The following SLC16A12 variants were observed in gnomAD, a reference collection of about 807,000 sequenced individuals.
SLC16A12 encodes monocarboxylate transporter 12.
SLC16A12 carries 17 observed loss-of-function variants against 42.4 expected under a neutral mutation model. That is an observed-to-expected ratio of 0.40 (90% CI 0.27 to 0.60). The LOEUF (loss-of-function observed/expected upper bound fraction) is 0.60, where lower values mean the gene tolerates loss of function less well. Ranked by LOEUF, SLC16A12 falls within the 20% of genes least tolerant of loss-of-function variation. The pLI, the probability that SLC16A12 is intolerant of heterozygous loss-of-function variation, is 0.42. For synonymous variants in SLC16A12, 224 were observed against 229.4 expected, an observed-to-expected ratio of 0.98 and a Z score of 0.21; for missense variants, 544 against 623.0, an observed-to-expected ratio of 0.87 and a Z score of 1.35.
chr10:89,536,699 G>A (rs1452418024), upstream of SLC16A12, among the ~76,000 whole-genome samples: 12 of 152,206 alleles, frequency 7.9e-5, no homozygotes, highest in East Asian at 2.3e-3. Context: ...TAGACCAACA[G>A]CGAGGTCATC....
At chr10:89,499,089 T>C (rs1227485822) in intron 2 of SLC16A12, among the ~76,000 whole-genome samples, 1 of 151,930 alleles carries the variant, frequency 6.6e-6, no homozygotes, top group African/African-American at 2.4e-5. Context: ...CCCCAAAAAA[T>C]CACACTAGCT....
intron 2 of SLC16A12, among the ~76,000 whole-genome samples, chr10:89,479,114 G>T (rs957804762): frequency 4.6e-5 from 7 of 152,120 alleles, no homozygotes; most frequent in African/African-American, 1.7e-4. Flanking sequence ...TTCCTTATCT[G>T]CAGGATAGCC....
chr10:89,555,296 G>A (rs1843802852), intron 2 of SLC16A12, among the ~76,000 whole-genome samples: 1 of 151,424 alleles, frequency 6.6e-6, no homozygotes, highest in African/African-American at 2.4e-5. Context: ...AGGCACGCAG[G>A]CACAGTTACC....
intron 1 of SLC16A12, among the ~76,000 whole-genome samples, 195 bp from the exon 2 acceptor site, chr10:89,534,835 AATAAATAGT>A (rs1162329866): frequency 6.6e-6 from 1 of 151,996 alleles, no homozygotes; most frequent in Non-Finnish European, 1.5e-5. Context: ...TCTCTAAATA[AATAAATAGT>A]ATAAGAGGTT....
intron 2 of SLC16A12, among the ~76,000 whole-genome samples, chr10:89,516,036 T>C (rs1166480100): frequency 6.6e-6 from 1 of 152,186 alleles, no homozygotes; most frequent in Non-Finnish European, 1.5e-5. Context: ...TGCAGAATCT[T>C]AGCTGTGTGA....
chr10:89,549,136 C>T (rs1843756910), intron 2 of SLC16A12, among the ~76,000 whole-genome samples: 1 of 152,222 alleles, frequency 6.6e-6, no homozygotes, highest in Non-Finnish European at 1.5e-5. Context: ...CCCTTTCTGA[C>T]TCTCTGTGTT....
At chr10:89,461,906 T>G (rs796099377) in intron 3 of SLC16A12, among the ~76,000 whole-genome samples, 3 of 152,318 alleles carry the variant, frequency 2.0e-5, no homozygotes, top group African/African-American at 7.2e-5. Flanking sequence ...GTGATGAGTT[T>G]TAAGTATTTC....
At chr10:89,556,237 A>G (rs1341057460) in intron 1 of SLC16A12, among the ~76,000 whole-genome samples, 1 of 151,826 alleles carries the variant, frequency 6.6e-6, no homozygotes, top group East Asian at 2.0e-4. Context: ...TTGATAAATA[A>G]TTTGCAGAAG....
chr10:89,450,091 A>G (rs1381565674), intron 3 of SLC16A12, among the ~76,000 whole-genome samples: 1 of 152,258 alleles, frequency 6.6e-6, no homozygotes, highest in Non-Finnish European at 1.5e-5. Flanking sequence ...AATGGCCATC[A>G]TTAAAAAGTC....
intron 2 of SLC16A12, among the ~76,000 whole-genome samples, chr10:89,519,491 G>T (rs867199833): frequency 3.7e-4 from 56 of 152,062 alleles, no homozygotes; most frequent in Non-Finnish European, 8.8e-5. Context: ...CGTGAGAACC[G>T]GAACTATGAA....
intron 2 of SLC16A12, among the ~76,000 whole-genome samples, chr10:89,467,077 T>TA (rs950639825): frequency 6.6e-6 from 1 of 152,272 alleles, no homozygotes; most frequent in East Asian, 1.9e-4. Flanking sequence ...GTTGTACCAG[T>TA]AAAAAAAGGC....
Position 89,441,268 on chromosome 10 carries a change from A to C in SLC16A12, c.305-17T>G. On this transcript the variant is annotated splice_polypyrimidine_tract_variant and intron_variant, in intron 4 of 7. Coordinates refer to ENST00000371790, the MANE Select transcript of SLC16A12 (RefSeq NM_213606.4). Reference sequence around the variant, plus strand: ...CAAGTGGAGCTTCAAAAACAATAAGAAATAGGTTCAACAGAAAGGCCTTGA... The same window carrying C: ...CAAGTGGAGCTTCAAAAACAATAAGCAATAGGTTCAACAGAAAGGCCTTGA... 6 of 1,613,888 alleles carry C rather than the reference A, an allele frequency of 3.7e-6. No individual in the cohort carries two copies. The highest frequency in any genetic ancestry group is 5.1e-6 in the Non-Finnish European group (6 of 1,179,860).
At chr10:89,481,628 A>G (rs1842661872) in intron 2 of SLC16A12, among the ~76,000 whole-genome samples, 1 of 148,268 alleles carries the variant, frequency 6.7e-6, no homozygotes, top group Non-Finnish European at 1.5e-5. Context: ...TCTAATTGAC[A>G]CTGTTTTTTT....
At chr10:89,448,403 C>T (rs1842038015) in intron 3 of SLC16A12, among the ~76,000 whole-genome samples, 1 of 152,038 alleles carries the variant, frequency 6.6e-6, no homozygotes, top group Admixed American at 6.6e-5. Context: ...AAAAACTTAT[C>T]CACCAAGATC....
At chr10:89,523,314 ATACTGACAATC>A (rs1413905627) in intron 2 of SLC16A12, among the ~76,000 whole-genome samples, 1 of 152,162 alleles carries the variant, frequency 6.6e-6, no homozygotes, top group Non-Finnish European at 1.5e-5. Context: ...GGTCCTGTCT[ATACTGACAATC>A]TCCTTGCTTC....
Position 89,436,079 on chromosome 10 carries a change from C to A in SLC16A12, c.1269G>T (p.Leu423Phe). ...ACTTACCTGCGATGGGTGGGCTCAC[C>A]AAGTATGGCACTGCGTGAAGGAAGT... ...VVYFLHAVPY[L>F]VSPPIAGRLV... Residue 423 changes from leucine to phenylalanine, a missense_variant, in exon 7 of 8, where the codon TTG (leucine) becomes TTT (phenylalanine). Leu to Phe is a conservative substitution (Grantham distance 22, BLOSUM62 0). Coordinates refer to ENST00000371790, the MANE Select transcript of SLC16A12 (RefSeq NM_213606.4). 6.2e-7 allele frequency: 1 copy of A among 1,613,866 alleles called. No individual in the cohort carries two copies. The highest frequency in any genetic ancestry group is 1.7e-4 in the Middle Eastern group (1 of 6,048).
rs1393236724 is a variant in SLC16A12 at position 89,527,502 on chromosome 10, TA to T, written c.-47+6998del. 2.0e-5 allele frequency among the ~76,000 whole-genome samples: 3 copies of T among 148,154 alleles called. No individual in the cohort carries two copies. The East Asian group carries it at 6.1e-4, about 30-fold the overall frequency. The stretch of plus-strand genomic sequence containing the variant: ...CACCTCAAAAAAAAAATAATAAAAC[TA>T]AAAAAATAAGGGGCTGGCATGGTAG... On this transcript the variant is annotated intron_variant, in intron 2 of 7. Coordinates refer to ENST00000371790, the MANE Select transcript of SLC16A12 (RefSeq NM_213606.4).
upstream of SLC16A12, among the ~76,000 whole-genome samples, chr10:89,540,401 G>C (rs1444406767): frequency 1.3e-5 from 2 of 152,008 alleles, no homozygotes; most frequent in East Asian, 3.9e-4. Flanking sequence ...GCCCAGCCTA[G>C]AGTCCACCTT....
chr10:89,499,904 G>A (rs1219437461), intron 2 of SLC16A12, among the ~76,000 whole-genome samples: 1 of 152,082 alleles, frequency 6.6e-6, no homozygotes, highest in Non-Finnish European at 1.5e-5. Context: ...CCATTACTAA[G>A]ATTAACCAAG....
Sources: allele counts gnomAD v4.1 joint callset (sites outside exome capture counted in the v4.1 genomes callset), GRCh38; gene constraint gnomAD v4.1.1; transcripts MANE v1.5; gene names NCBI Gene and HGNC (gene_info 2026-07-23, HGNC 2026-07-21).